Variants in NFX1 observed in about 807,000 individuals in gnomAD.
NFX1 encodes the protein nuclear transcription factor, X-box binding 1, also known as transcriptional repressor NF-X1.
NFX1 carries 69 observed loss-of-function variants against 137.2 expected under a neutral mutation model. The observed-to-expected ratio is 0.50, with a 90% CI of 0.41 to 0.61. The LOEUF (loss-of-function observed/expected upper bound fraction) is 0.61, where lower values mean the gene tolerates loss of function less well. Among genes scored for constraint, NFX1 ranks in the 20% least tolerant of loss-of-function variants. The pLI is 0.00. For missense variants in NFX1, 1,167 were observed against 1,391.0 expected (o/e 0.84, Z 2.56); for synonymous variants, 495 against 474.1 (o/e 1.04, Z -0.57).
In NFX1 at chr9:33,351,563, C is replaced by T. The variant is rs750794308; in HGVS notation, c.2428C>T (p.Arg810Trp). 9.9e-6 allele frequency: 16 copies of T among 1,613,976 alleles called. No homozygotes were observed. Among genetic ancestry groups the T allele is most frequent in the Admixed American group, 3.3e-5 (2 of 60,012 alleles). The change falls in exon 16 of 24, where the codon CGG becomes TGG. Residue 810 changes from arginine to tryptophan, a missense_variant. Physicochemically the swap from Arg to Trp is moderately radical, Grantham distance 101. Transcript: ENST00000379540. ...QKWCMGKHEF[R>W]SNIPCHLVDI... is the part of the protein sequence containing the mutation. Reference sequence around the variant, plus strand: ...TGGCTACTTCTGTCTCTCCTAGTTTCGGAGCAACATCCCCTGTCACCTGGT... The same window carrying T: ...TGGCTACTTCTGTCTCTCCTAGTTTTGGAGCAACATCCCCTGTCACCTGGT...
intron 18 of NFX1, among the ~76,000 whole-genome samples, chr9:33,354,618 A>C (rs531679531): frequency 6.6e-6 from 1 of 152,244 alleles, no homozygotes; most frequent in South Asian, 2.1e-4. Flanking sequence ...CTTCAGAGGG[A>C]CCTCATCCAG....
chr9:33,342,200 C>T (rs1358022167), intron 12 of NFX1, among the ~76,000 whole-genome samples: 1 of 46,224 alleles, frequency 2.2e-5, no homozygotes, highest in Non-Finnish European at 5.1e-5. Context: ...TGGCTCATGC[C>T]TGTAACCCCC....
In NFX1 at chr9:33,370,263, G is replaced by A; in HGVS notation, c.*285G>A. ...TCACTGTGATTGCTCTGAGAGTTGA[G>A]GGACTATTGGGCTTTATTTGGACAA... is the stretch of plus-strand genomic sequence containing the variant. On this transcript the variant is annotated 3_prime_UTR_variant, in exon 24 of 24. Transcript: ENST00000379540. 1 of 275,904 alleles carries A rather than the reference G, an allele frequency of 3.6e-6. No individual in the cohort carries two copies. Among genetic ancestry groups the A allele is most frequent in the Non-Finnish European group, 6.7e-6 (1 of 149,794 alleles). 17.1% of individuals were successfully genotyped at this position (275,904 alleles called of 1,614,324 possible). A position where few individuals can be genotyped will look rare whatever the true frequency, so the allele number is the denominator to read the frequency against.
intron 22 of NFX1, 63 bp from the exon 23 acceptor site, chr9:33,367,452 C>T (rs1824200338): frequency 6.5e-7 from 1 of 1,547,562 alleles, no homozygotes. Context: ...GAGTTTCTAG[C>T]TTTCTGTCCA....
At chr9:33,329,737 C>T (rs1822731978) in intron 10 of NFX1, among the ~76,000 whole-genome samples, 1 of 151,992 alleles carries the variant, frequency 6.6e-6, no homozygotes, top group African/African-American at 2.4e-5. Context: ...TGGCTCACTG[C>T]AGCCTCCACC....
At position 33,354,100 on chromosome 9, in the gene NFX1, C is replaced by T; in HGVS notation, c.2744C>T (p.Ser915Phe). 6.2e-7 allele frequency: 1 copy of T among 1,610,970 alleles called. No homozygotes were observed. Among genetic ancestry groups the T allele is most frequent in the Non-Finnish European group, 8.5e-7 (1 of 1,178,888 alleles). ...SSTYQRIAAI[S>F]MASKITDMQL... Reference sequence around the variant, plus strand: ...TTATATTTCAGAATAGCTGCAATCTCCATGGCCTCTAAGATAACAGACATG... The same window carrying T: ...TTATATTTCAGAATAGCTGCAATCTTCATGGCCTCTAAGATAACAGACATG... The change falls in exon 18 of 24, where the codon TCC becomes TTC. Residue 915 changes from serine (S) to phenylalanine (F), a missense_variant. Transcript: ENST00000379540.
chr9:33,318,910 G>C lies in NFX1; in HGVS notation c.1689G>C (p.Lys563Asn), dbSNP rs545145926. Residue 563 changes from lysine to asparagine, a missense_variant and splice_region_variant, in exon 9 of 24, where the codon AAG (lysine) becomes AAC (asparagine). Lys to Asn is a moderately conservative substitution (Grantham distance 94, BLOSUM62 0). Around this residue, in one of 3 missense-constraint regions of NFX1, gnomAD observed 488 missense variants for 691.5 expected, o/e 0.71. Coordinates refer to ENST00000379540, the MANE Select transcript of NFX1 (RefSeq NM_002504.6). ...GDFSCLKICG[K>N]DLKCGNHTCS... Reference sequence around the variant, plus strand: ...ATGTAATAGTGTGTTTTCTTAACAGGGACTTGAAATGCGGTAACCATACAT... The same window carrying C: ...ATGTAATAGTGTGTTTTCTTAACAGCGACTTGAAATGCGGTAACCATACAT... The C allele has an allele frequency of 6.2e-7, 1 of 1,614,170 alleles. No homozygotes were observed. Among genetic ancestry groups the C allele is most frequent in the Non-Finnish European group, 8.5e-7 (1 of 1,180,018 alleles).
intron 14 of NFX1, 88 bp downstream of exon 14, chr9:33,344,276 T>C: frequency 6.4e-7 from 1 of 1,563,016 alleles, no homozygotes; most frequent in South Asian, 1.1e-5. Flanking sequence ...TGCTCTAGAG[T>C]CATGCTGTGA....
chr9:33,305,800 A>C (rs1821732580), intron 4 of NFX1, among the ~76,000 whole-genome samples: 1 of 152,184 alleles, frequency 6.6e-6, no homozygotes, highest in African/African-American at 2.4e-5. Flanking sequence ...ACAGTTTAGA[A>C]ATGTTGAGCT....
intron 5 of NFX1, among the ~76,000 whole-genome samples, chr9:33,310,793 C>T (rs750570682): frequency 6.6e-6 from 1 of 152,192 alleles, no homozygotes; most frequent in African/African-American, 2.4e-5. Flanking sequence ...TATCCCCACA[C>T]ACTGCTGTAA....
At chr9:33,351,825 G>A (rs1823649082) in intron 16 of NFX1, 35 bp downstream of exon 16, 2 of 1,510,338 alleles carry the variant, frequency 1.3e-6, no homozygotes, top group Non-Finnish European at 8.9e-7. Context: ...AGCATTGACT[G>A]TAGTTCTGAG....
chr9:33,300,858 A>G (rs1324318679), intron 2 of NFX1, among the ~76,000 whole-genome samples: 2 of 152,368 alleles, frequency 1.3e-5, no homozygotes, highest in South Asian at 2.1e-4. Flanking sequence ...TATAGCTGAC[A>G]CTACAGCTTC....
chr9:33,353,004 AAG>A, intron 17 of NFX1: 1 of 319,104 alleles, frequency 3.1e-6, no homozygotes, highest in Non-Finnish European at 5.8e-6. Context: ...TGGCCTCCCA[AAG>A]TGCTGGGATC....
chr9:33,349,663 G>T (rs1823562688), intron 15 of NFX1, among the ~76,000 whole-genome samples: 1 of 151,674 alleles, frequency 6.6e-6, no homozygotes, highest in Non-Finnish European at 1.5e-5. Flanking sequence ...GTGGAAACAG[G>T]CCATTTTTCA....
At chr9:33,333,243 T>C (rs1241569037) in intron 11 of NFX1, among the ~76,000 whole-genome samples, 1 of 152,164 alleles carries the variant, frequency 6.6e-6, no homozygotes, top group Non-Finnish European at 1.5e-5. Flanking sequence ...AAATAAAAGG[T>C]CTTACTGTAG....
intron 4 of NFX1, among the ~76,000 whole-genome samples, 162 bp from the exon 5 acceptor site, chr9:33,307,032 T>A (rs1821778744): frequency 6.6e-6 from 1 of 152,242 alleles, no homozygotes; most frequent in Admixed American, 6.5e-5. Flanking sequence ...ATGAATAGCA[T>A]TATATTTATC....
At chr9:33,344,003 G>C (rs1167744344) in intron 13 of NFX1, 66 bp from the exon 14 acceptor site, 4 of 1,603,732 alleles carry the variant, frequency 2.5e-6, no homozygotes, top group Admixed American at 1.7e-5. Flanking sequence ...GTTTGTGTGT[G>C]TTAGTATGTA....
At chr9:33,368,189 C>T (rs756878970) in intron 23 of NFX1, among the ~76,000 whole-genome samples, 8 of 151,852 alleles carry the variant, frequency 5.3e-5, no homozygotes, top group Non-Finnish European at 1.0e-4. Context: ...GAGCCGAGAT[C>T]GCACCACTGC....
In NFX1 at chr9:33,294,681, C is replaced by T. The variant is rs1310707491; in HGVS notation, c.287C>T (p.Pro96Leu). ...SFQSSPCNKS[P>L]KSHGLQNQPW... ...CAGTCCTCTCCTTGTAATAAATCGC[C>T]CAAGAGCCATGGCCTTCAGAATCAA... Residue 96 changes from proline to leucine, a missense_variant, in exon 2 of 24, where the codon CCC (proline) becomes CTC (leucine). By Grantham distance (98) the Pro-to-Leu change is moderately conservative. Transcript: ENST00000379540. 6.2e-7 allele frequency: 1 copy of T among 1,614,096 alleles called. No homozygotes were observed. Among genetic ancestry groups the T allele is most frequent in the South Asian group, 1.1e-5 (1 of 91,076 alleles).
Sources: gnomAD v4.1 joint callset for allele counts (sites outside exome capture counted in the v4.1 genomes callset) on GRCh38, gnomAD v4.1.1 for gene constraint, gnomAD v4.1.1 regional missense constraint, MANE v1.5 for transcripts, NCBI Gene and HGNC (gene_info 2026-07-23, HGNC 2026-07-21) for gene names.